The following NUDT3 variants were observed in gnomAD, a reference collection of about 807,000 sequenced individuals.
NUDT3 encodes diphosphoinositol polyphosphate phosphohydrolase 1.
Under a neutral mutation model 23.6 loss-of-function variants are expected in NUDT3, and 9 were observed. The observed-to-expected ratio is 0.38, with a 90% CI of 0.23 to 0.66. NUDT3 has a LOEUF of 0.66. NUDT3 is among the 30% of genes least tolerant of loss of function. The pLI is 0.52. For synonymous variants in NUDT3, 86 were observed against 82.6 expected, an observed-to-expected ratio of 1.04 and a Z score of -0.22; for missense variants, 172 against 218.5, an observed-to-expected ratio of 0.79 and a Z score of 1.34.
chr6:34,362,321 G>A (rs1227144991), intron 1 of NUDT3, among the ~76,000 whole-genome samples: 11 of 151,866 alleles, frequency 7.2e-5, no homozygotes, highest in African/African-American at 2.7e-4. Context: ...TGGGACTACA[G>A]GAGCATGCCA....
chr6:34,326,919 G>A (rs948238758), intron 2 of NUDT3, among the ~76,000 whole-genome samples: 2 of 152,100 alleles, frequency 1.3e-5, no homozygotes, highest in Admixed American at 6.5e-5. Flanking sequence ...CTTGACGGGT[G>A]TTCTCCCCGT....
At position 34,346,800 on chromosome 6, in the gene NUDT3, G is replaced by C. The variant is rs528147761; in HGVS notation, c.100-4828C>G. 2.6e-5 allele frequency among the ~76,000 whole-genome samples: 4 copies of C among 152,184 alleles called. No individual in the cohort carries two copies. In the South Asian group the frequency reaches 8.3e-4, roughly 32 times the overall value. ...AGACAGGGTCTCATTCTGTTGCCCA[G>C]GCTGAAGCGCCGTGGCAGGATCAAA... On this transcript the variant is annotated intron_variant, in intron 1 of 4. Coordinates refer to ENST00000607016, the MANE Select transcript of NUDT3 (RefSeq NM_006703.4).
chr6:34,336,713 G>A (rs911905027), intron 2 of NUDT3, among the ~76,000 whole-genome samples: 1 of 151,546 alleles, frequency 6.6e-6, no homozygotes, highest in African/African-American at 2.4e-5. Flanking sequence ...TTTCATTGAA[G>A]AGCTTTATAA....
chr6:34,354,863 A>G (rs924093541), intron 1 of NUDT3, among the ~76,000 whole-genome samples: 2 of 149,476 alleles, frequency 1.3e-5, no homozygotes, highest in African/African-American at 4.9e-5. Flanking sequence ...TTATATTTGT[A>G]TACTTTATAT....
intron 2 of NUDT3, among the ~76,000 whole-genome samples, chr6:34,296,192 C>T (rs1316753923): frequency 4.6e-5 from 7 of 152,140 alleles, no homozygotes; most frequent in Non-Finnish European, 8.8e-5. Context: ...TCACCTGAGC[C>T]CAGGAGTTCA....
At chr6:34,376,551 A>G (rs961109127) in intron 1 of NUDT3, among the ~76,000 whole-genome samples, 5 of 152,200 alleles carry the variant, frequency 3.3e-5, no homozygotes, top group South Asian at 2.1e-4. Flanking sequence ...TGCTGGGATT[A>G]CAGGCGTGAG....
At chr6:34,390,845 G>C (rs954537604) in intron 1 of NUDT3, among the ~76,000 whole-genome samples, 2 of 152,176 alleles carry the variant, frequency 1.3e-5, no homozygotes, top group African/African-American at 2.4e-5. Context: ...ATAATGAGGA[G>C]AATAAAGGCT....
chr6:34,338,464 T>C (rs1198705053), intron 2 of NUDT3, among the ~76,000 whole-genome samples: 5 of 152,246 alleles, frequency 3.3e-5, no homozygotes, highest in Admixed American at 6.5e-5. Context: ...CTATTAACTC[T>C]GTATTCTTGG....
intron 2 of NUDT3, among the ~76,000 whole-genome samples, chr6:34,306,827 T>C (rs1037758607): frequency 4.6e-5 from 7 of 152,214 alleles, no homozygotes; most frequent in African/African-American, 1.7e-4. Flanking sequence ...TAAAAAGTGG[T>C]TAAAAAGTAA....
At chr6:34,291,746 G>A (rs1763425998) in intron 4 of NUDT3, among the ~76,000 whole-genome samples, 2 of 151,940 alleles carry the variant, frequency 1.3e-5, no homozygotes, top group South Asian at 2.1e-4. Flanking sequence ...CAAGTGATTC[G>A]CCTGCCTCAG....
intron 2 of NUDT3, 85 bp from the exon 3 acceptor site, chr6:34,295,770 A>G: frequency 1.3e-6 from 2 of 1,551,448 alleles, no homozygotes; most frequent in Non-Finnish European, 1.8e-6. Flanking sequence ...TTTATAAAAT[A>G]GAAACAAAAA....
At chr6:34,349,571 T>G (rs75029026) in intron 1 of NUDT3, among the ~76,000 whole-genome samples, 12,921 of 150,512 alleles carry the variant, frequency 0.086, 1,043 homozygotes, top group Non-Finnish European at 0.12. Context: ...GACGGTGATT[T>G]TGGAAACAAT....
chr6:34,338,252 A>G (rs929433773), intron 2 of NUDT3, among the ~76,000 whole-genome samples: 5 of 152,174 alleles, frequency 3.3e-5, no homozygotes, highest in African/African-American at 1.2e-4. Context: ...TGGGGATAAC[A>G]TATATAAGAC....
intron 2 of NUDT3, among the ~76,000 whole-genome samples, chr6:34,298,563 G>A (rs904785035): frequency 3.9e-5 from 6 of 152,100 alleles, no homozygotes; most frequent in Admixed American, 3.3e-4. Context: ...CAACATTTCA[G>A]TGGTATTTTT....
At chr6:34,340,166 GAGACA>G (rs1233209466) in intron 2 of NUDT3, among the ~76,000 whole-genome samples, 1 of 152,194 alleles carries the variant, frequency 6.6e-6, no homozygotes, top group Non-Finnish European at 1.5e-5. Context: ...TCACTACAAG[GAGACA>G]AGCCCGCAAA....
At chr6:34,327,542 AAAG>A (rs1183906251) in intron 2 of NUDT3, among the ~76,000 whole-genome samples, 21 of 152,022 alleles carry the variant, frequency 1.4e-4, no homozygotes, top group African/African-American at 4.1e-4. Context: ...AAAAAAAAAA[AAAG>A]AAAGAAAGAT....
chr6:34,309,360 T>C (rs1337590523), intron 2 of NUDT3, among the ~76,000 whole-genome samples: 2 of 152,036 alleles, frequency 1.3e-5, no homozygotes, highest in Admixed American at 6.5e-5. Flanking sequence ...AATAAAAATA[T>C]AACATCAAAA....
At chr6:34,326,673 T>C (rs1764036334) in intron 2 of NUDT3, among the ~76,000 whole-genome samples, 1 of 151,936 alleles carries the variant, frequency 6.6e-6, no homozygotes, top group Non-Finnish European at 1.5e-5. Context: ...TGATCTCAGC[T>C]CACTGCAACC....
chr6:34,303,636 G>A (rs1763633290), intron 2 of NUDT3, among the ~76,000 whole-genome samples: 1 of 152,062 alleles, frequency 6.6e-6, no homozygotes, highest in African/African-American at 2.4e-5. Flanking sequence ...TTTTTAGCTT[G>A]CTAACAGTTT....
Sources: gnomAD v4.1 joint callset for allele counts (sites outside exome capture counted in the v4.1 genomes callset) on GRCh38, gnomAD v4.1.1 for gene constraint, MANE v1.5 for transcripts, NCBI Gene and HGNC (gene_info 2026-07-23, HGNC 2026-07-21) for gene names.